The following IL1RL2 variants were observed in gnomAD, a reference collection of about 807,000 sequenced individuals.
IL1RL2 encodes interleukin-1 receptor-like 2.
A neutral mutation model predicts 66.8 loss-of-function variants in IL1RL2; 68 were observed. The ratio of observed to expected loss-of-function variants is 1.02; its 90% CI spans 0.84 to 1.25. The LOEUF is 1.25. Ranked by LOEUF, IL1RL2 falls within the 50% of genes most tolerant of loss-of-function variation. IL1RL2 has a pLI of 0.00. For synonymous variants in IL1RL2, 305 were observed against 264.6 expected (o/e 1.15, Z -1.48); for missense variants, 729 against 709.3 (o/e 1.03, Z -0.32).
chr2:102,217,883 G>T (rs1194117747), intron 6 of IL1RL2, among the ~76,000 whole-genome samples: 3 of 152,066 alleles, frequency 2.0e-5, no homozygotes, highest in African/African-American at 7.2e-5. Context: ...AGATGTTTTG[G>T]ATAAGATCTC....
At chr2:102,218,652 C>G (rs1216253473) in intron 6 of IL1RL2, among the ~76,000 whole-genome samples, 1 of 152,108 alleles carries the variant, frequency 6.6e-6, no homozygotes, top group African/African-American at 2.4e-5. Flanking sequence ...GCATAAAATA[C>G]TTTGTGAACT....
At chr2:102,190,337 C>T (rs1213191700) in intron 3 of IL1RL2, among the ~76,000 whole-genome samples, 1 of 152,244 alleles carries the variant, frequency 6.6e-6, no homozygotes, top group Admixed American at 6.5e-5. Flanking sequence ...CTTTCCCACA[C>T]TGGCTTGCAT....
At chr2:102,191,579 G>C (rs1687236190) in intron 3 of IL1RL2, among the ~76,000 whole-genome samples, 1 of 152,280 alleles carries the variant, frequency 6.6e-6, no homozygotes, top group African/African-American at 2.4e-5. Context: ...CTTCATTGGG[G>C]TTTGTCAGGT....
chr2:102,205,970 C>G (rs1688667348), intron 5 of IL1RL2, among the ~76,000 whole-genome samples: 1 of 152,018 alleles, frequency 6.6e-6, no homozygotes, highest in South Asian at 2.1e-4. Flanking sequence ...TTCAGATAGC[C>G]TGTCTTCCAG....
At position 102,187,180 on chromosome 2, in the gene IL1RL2, G is replaced by T. The variant is rs1428887814; in HGVS notation, c.-13+94G>T. ...AGGAAAAGACGTGGCAACAATGTGT[G>T]CCACCGCAGGCCAGGGATCAGGCCC... On this transcript the variant is annotated intron_variant, in intron 1 of 11. Coordinates refer to ENST00000264257, the MANE Select transcript of IL1RL2 (RefSeq NM_003854.4). 3 of 1,242,906 alleles carry T rather than the reference G, an allele frequency of 2.4e-6. No individual in the cohort carries two copies. In the Admixed American group the frequency reaches 7.1e-5, roughly 29 times the overall value. The allele number at this position is 1,242,906 out of a possible 1,614,324, so 77.0% of individuals were successfully genotyped here. A position where few individuals can be genotyped will look rare whatever the true frequency, so the allele number is the denominator to read the frequency against.
intron 11 of IL1RL2, among the ~76,000 whole-genome samples, chr2:102,237,850 T>C (rs913595756): frequency 2.6e-5 from 4 of 152,122 alleles, no homozygotes; most frequent in Admixed American, 6.5e-5. Flanking sequence ...AAAAAGGTAG[T>C]TTATGGGAAC....
chr2:102,192,206 C>T (rs574690954), intron 4 of IL1RL2, 86 bp downstream of exon 4: 2 of 903,012 alleles, frequency 2.2e-6, no homozygotes, highest in African/African-American at 1.7e-5. Context: ...TTTTTTAAGG[C>T]AGAATTGGTA....
chr2:102,216,074 G>A (rs1487939781), intron 6 of IL1RL2, among the ~76,000 whole-genome samples: 1 of 152,076 alleles, frequency 6.6e-6, no homozygotes, highest in African/African-American at 2.4e-5. Flanking sequence ...GAAAAGGAAG[G>A]AATCCAAAAT....
intron 8 of IL1RL2, among the ~76,000 whole-genome samples, chr2:102,225,347 G>A (rs999551151): frequency 2.0e-5 from 3 of 152,264 alleles, no homozygotes; most frequent in Non-Finnish European, 2.9e-5. Flanking sequence ...TGAGGTGAGA[G>A]TTTGGCTCTT....
intron 4 of IL1RL2, among the ~76,000 whole-genome samples, chr2:102,195,653 T>C (rs200107190): frequency 0.32 from 10,510 of 33,310 alleles, 1,111 homozygotes; most frequent in East Asian, 0.46. Context: ...CTCTCTTTCT[T>C]TCTTTCTTTC....
At chr2:102,227,162 C>A (rs1690694439) in intron 9 of IL1RL2, among the ~76,000 whole-genome samples, 1 of 152,088 alleles carries the variant, frequency 6.6e-6, no homozygotes, top group Non-Finnish European at 1.5e-5. Context: ...GCTCTAAAGT[C>A]CCCTAATTAG....
intron 8 of IL1RL2, among the ~76,000 whole-genome samples, chr2:102,225,337 T>C (rs543086608): frequency 1.3e-5 from 2 of 152,320 alleles, no homozygotes; most frequent in East Asian, 3.9e-4. Flanking sequence ...ACAGAAAGGA[T>C]GAGGTGAGAG....
chr2:102,235,115 CA>C lies in IL1RL2; in HGVS notation c.1517del (p.Gln506ArgfsTer19). 6.2e-7 allele frequency: 1 copy of C among 1,614,246 alleles called. No homozygotes were observed. Among genetic ancestry groups the C allele is most frequent in the Non-Finnish European group, 8.5e-7 (1 of 1,180,050 alleles). On this transcript the variant is annotated frameshift_variant, in exon 11 of 12. Transcript: ENST00000264257. LOFTEE classifies it high-confidence loss of function. ...GCCAGAGTCAATTCAGTACATCAAA[CA>C]GAAGCATGGTGCCATCCGGTGGCAT... The part of the protein sequence containing the change: ...VMPESIQYIK[Q>X]KHGAIRWHGD...
At chr2:102,230,614 G>A (rs938598581) in intron 9 of IL1RL2, among the ~76,000 whole-genome samples, 7 of 152,236 alleles carry the variant, frequency 4.6e-5, no homozygotes, top group Admixed American at 2.6e-4. Context: ...CTGAGGGCAG[G>A]GCAGGGAGCC....
intron 6 of IL1RL2, among the ~76,000 whole-genome samples, chr2:102,218,249 T>C (rs1434866288): frequency 6.6e-6 from 1 of 152,222 alleles, no homozygotes. Flanking sequence ...TTCTATTCTA[T>C]ACTGTTTGGT....
chr2:102,230,776 T>G (rs148791308), intron 9 of IL1RL2, among the ~76,000 whole-genome samples: 84 of 152,312 alleles, frequency 5.5e-4, no homozygotes, highest in African/African-American at 2.0e-3. Flanking sequence ...TGTGTTACCA[T>G]TCTCTGTAAG....
At chr2:102,213,418 G>A (rs532352600) in intron 6 of IL1RL2, among the ~76,000 whole-genome samples, 8 of 151,948 alleles carry the variant, frequency 5.3e-5, no homozygotes, top group East Asian at 3.9e-4. Context: ...GTGAAGTGAC[G>A]GATTTGTTAA....
At chr2:102,211,039 G>A (rs1689125924) in intron 5 of IL1RL2, among the ~76,000 whole-genome samples, 1 of 152,280 alleles carries the variant, frequency 6.6e-6, no homozygotes, top group Middle Eastern at 3.4e-3. Context: ...AAGAAAAGCT[G>A]TTGCCTAGAA....
At chr2:102,208,996 T>A (rs2104790301) in intron 5 of IL1RL2, among the ~76,000 whole-genome samples, 1 of 152,344 alleles carries the variant, frequency 6.6e-6, no homozygotes, top group Non-Finnish European at 1.5e-5. Context: ...TGGCCTAGAC[T>A]AGGCACAGAT....
Sources: allele counts gnomAD v4.1 joint callset (sites outside exome capture counted in the v4.1 genomes callset), GRCh38; gene constraint gnomAD v4.1.1; transcripts MANE v1.5; gene names NCBI Gene and HGNC (gene_info 2026-07-23, HGNC 2026-07-21).